The following CEP85L variants were observed in gnomAD, a reference collection of about 807,000 sequenced individuals.
CEP85L encodes centrosomal protein 85L.
A neutral mutation model predicts 100.3 loss-of-function variants in CEP85L; 60 were observed. That is an observed-to-expected ratio of 0.60 (90% CI 0.49 to 0.74). The LOEUF (loss-of-function observed/expected upper bound fraction) is 0.74, where lower values mean the gene tolerates loss of function less well. Among genes scored for constraint, CEP85L ranks in the 30% least tolerant of loss-of-function variants. The pLI, the probability that CEP85L is intolerant of heterozygous loss-of-function variation, is 0.00. For synonymous variants in CEP85L, 319 were observed against 322.7 expected, an observed-to-expected ratio of 0.99 and a Z score of 0.12; for missense variants, 973 against 936.2, an observed-to-expected ratio of 1.04 and a Z score of -0.51.
At chr6:118,555,188 T>C (rs745502883) in intron 3 of CEP85L, among the ~76,000 whole-genome samples, 1 of 152,106 alleles carries the variant, frequency 6.6e-6, no homozygotes, top group Non-Finnish European at 1.5e-5. Context: ...TCCCAGCACT[T>C]TGGGAGGCCG....
chr6:118,648,321 T>G (rs1339427242), intron 1 of CEP85L, among the ~76,000 whole-genome samples: 1 of 152,144 alleles, frequency 6.6e-6, no homozygotes, highest in Non-Finnish European at 1.5e-5. Flanking sequence ...AGCTGAAAAA[T>G]GGGAAAAGCC....
At chr6:118,574,050 G>A (rs2115040118) in intron 2 of CEP85L, 1 of 152,280 alleles carries the variant, frequency 6.6e-6, no homozygotes, top group Middle Eastern at 3.4e-3. Flanking sequence ...AGCTCCCTTG[G>A]TCTCTTGCTT....
intron 1 of CEP85L, among the ~76,000 whole-genome samples, chr6:118,681,941 A>G (rs142109289): frequency 0.027 from 4,136 of 152,038 alleles, 85 homozygotes; most frequent in Non-Finnish European, 0.04. Context: ...GGGTTTCGCC[A>G]TGTTGCCAGG....
rs550492509 is a variant in CEP85L at position 118,680,805 on chromosome 6, G to A, written c.-27-27997C>T. On this transcript the variant is annotated intron_variant, in intron 1 of 13. Transcript: ENST00000368488. ...GGTTGGGGATCACTTGAGCCCAGGA[G>A]GTCGAGGCTGCAGTGAGCCAAGATC... 2.1e-4 allele frequency among the ~76,000 whole-genome samples: 32 copies of A among 152,230 alleles called. No homozygotes were observed. The Middle Eastern group carries it at 0.02, about 97-fold the overall frequency.
chr6:118,684,578 T>A (rs1336205336), intron 1 of CEP85L, among the ~76,000 whole-genome samples: 1 of 152,154 alleles, frequency 6.6e-6, no homozygotes, highest in Admixed American at 6.5e-5. Flanking sequence ...CTCATAAATA[T>A]CTCATAAATT....
intron 2 of CEP85L, among the ~76,000 whole-genome samples, chr6:118,592,792 G>T (rs905750665): frequency 2.6e-5 from 4 of 152,084 alleles, no homozygotes; most frequent in Non-Finnish European, 5.9e-5. Context: ...TTACCAAAAG[G>T]TTAAAAAGGA....
chr6:118,542,044 T>A (rs1352477956), intron 3 of CEP85L, among the ~76,000 whole-genome samples: 1 of 152,188 alleles, frequency 6.6e-6, no homozygotes, highest in Non-Finnish European at 1.5e-5. Flanking sequence ...AAAGAGAATT[T>A]AACAGATTTA....
At position 118,551,368 on chromosome 6, in the gene CEP85L, G is replaced by A. The variant is rs552458771; in HGVS notation, c.1020+14161C>T. Among the ~76,000 whole-genome samples, 8 of 142,944 alleles carry A rather than the reference G, an allele frequency of 5.6e-5. No individual in the cohort carries two copies. The East Asian group carries it at 5.9e-4, about 10-fold the overall frequency. 93.8% of individuals were successfully genotyped at this position (142,944 alleles called of 152,430 possible). A position where few individuals can be genotyped will look rare whatever the true frequency, so the allele number is the denominator to read the frequency against. On this transcript the variant is annotated intron_variant, in intron 3 of 12. Transcript: ENST00000368491. ...TTGACTAACTCACTCACATTAATAG[G>A]GGGTATATTTATTAAGTGGCATTCA...
intron 3 of CEP85L, among the ~76,000 whole-genome samples, chr6:118,547,758 A>T (rs1429832606): frequency 6.6e-6 from 1 of 152,124 alleles, no homozygotes; most frequent in African/African-American, 2.4e-5. Flanking sequence ...ACAAAAAGCA[A>T]TTAGCCTGAT....
intron 2 of CEP85L, among the ~76,000 whole-genome samples, chr6:118,631,928 A>G (rs1005436438): frequency 2.0e-5 from 3 of 152,218 alleles, no homozygotes; most frequent in Admixed American, 1.3e-4. Flanking sequence ...ATATAAATCT[A>G]TAATTATCTC....
Position 118,481,911 on chromosome 6 carries a change from T to A in CEP85L, c.1613A>T (p.Asn538Ile), listed in dbSNP as rs756974869. The change falls in exon 8 of 13, where the codon AAT becomes ATT. Residue 538 changes from asparagine (N) to isoleucine (I), a missense_variant. This residue lies in a region of CEP85L where 890 missense variants were observed against 844.5 expected (regional missense o/e 1.05). Transcript: ENST00000368491. ...SLQLQILEEK[N>I]KNLQEALIDT... ...TATCAAAGCCTCTTGTAAATTCTTA[T>A]TTTTTTCTTCCAGAATCTGCAGCTA... The A allele has an allele frequency of 6.4e-7, 1 of 1,563,908 alleles. No individual in the cohort carries two copies. The highest frequency in any genetic ancestry group is 2.3e-5 in the East Asian group (1 of 43,510).
At chr6:118,565,279 G>T in intron 3 of CEP85L, 1 of 483,038 alleles carries the variant, frequency 2.1e-6, no homozygotes, top group Non-Finnish European at 3.7e-6. Context: ...TTATTTTTAT[G>T]CCCATTTAAC....
At chr6:118,668,374 A>C (rs989099167) in intron 1 of CEP85L, among the ~76,000 whole-genome samples, 1 of 152,224 alleles carries the variant, frequency 6.6e-6, no homozygotes, top group Non-Finnish European at 1.5e-5. Flanking sequence ...GGTGGGTTGC[A>C]CTGATATATA....
chr6:118,587,119 G>A (rs777363390), intron 2 of CEP85L, among the ~76,000 whole-genome samples: 10 of 152,098 alleles, frequency 6.6e-5, no homozygotes, highest in Admixed American at 2.0e-4. Flanking sequence ...TAAGTGGTTC[G>A]CTCAGTTCAG....
At chr6:118,683,801 A>C (rs1190267733) in intron 1 of CEP85L, among the ~76,000 whole-genome samples, 1 of 152,214 alleles carries the variant, frequency 6.6e-6, no homozygotes, top group East Asian at 1.9e-4. Context: ...TGCAAACTTC[A>C]ACCTGTGGGG....
At chr6:118,527,263 C>T (rs1340893814) in intron 3 of CEP85L, among the ~76,000 whole-genome samples, 1 of 152,004 alleles carries the variant, frequency 6.6e-6, no homozygotes, top group Non-Finnish European at 1.5e-5. Flanking sequence ...ATTCGGCTTC[C>T]CAAAGTGCTG....
intron 10 of CEP85L, among the ~76,000 whole-genome samples, chr6:118,476,314 A>C (rs1283468081): frequency 6.6e-6 from 1 of 151,974 alleles, no homozygotes. Flanking sequence ...CTTTTCATAG[A>C]AGGCATTTGG....
chr6:118,651,313 A>G lies in CEP85L; in HGVS notation c.-44T>C, dbSNP rs1374106700. On this transcript the variant is annotated 5_prime_UTR_variant, in exon 1 of 13. Transcript: ENST00000368491. ...GTGGGCCAGGGACGCCCGACTCCTC[A>G]CGTCCGTCCTCCTGCTTCTTCGGCG... 1.4e-5 allele frequency: 20 copies of G among 1,427,644 alleles called. No homozygotes were observed. Among genetic ancestry groups the G allele is most frequent in the Non-Finnish European group, 1.8e-5 (20 of 1,092,210 alleles). 88.4% of individuals were successfully genotyped at this position (1,427,644 alleles called of 1,614,324 possible).
intron 1 of CEP85L, among the ~76,000 whole-genome samples, chr6:118,649,556 A>G (rs1164616691): frequency 1.3e-5 from 2 of 152,214 alleles, no homozygotes; most frequent in African/African-American, 4.8e-5. Flanking sequence ...GTTAGATTGC[A>G]AAGACATTAC....
Sources: allele counts gnomAD v4.1 joint callset (sites outside exome capture counted in the v4.1 genomes callset), GRCh38; gene constraint gnomAD v4.1.1; regional missense constraint gnomAD v4.1.1; transcripts MANE v1.5; gene names NCBI Gene and HGNC (gene_info 2026-07-23, HGNC 2026-07-21).